Variants in EPHX1 observed in about 807,000 individuals in gnomAD.
EPHX1 encodes the protein epoxide hydratase.
EPHX1 carries 40 observed loss-of-function variants against 43.2 expected under a neutral mutation model. That is an observed-to-expected ratio of 0.93 (90% CI 0.72 to 1.21). The LOEUF (loss-of-function observed/expected upper bound fraction) is 1.21. Ranked by LOEUF, EPHX1 falls within the 50% of genes most tolerant of loss-of-function variation. The pLI is 0.00. For missense variants in EPHX1, 550 were observed against 570.4 expected (o/e 0.96, Z 0.36); for synonymous variants, 221 against 226.7 (o/e 0.98, Z 0.22).
intron 5 of EPHX1, 102 bp from the exon 6 acceptor site, chr1:225,839,727 T>C: frequency 7.9e-7 from 1 of 1,267,212 alleles, no homozygotes; most frequent in Non-Finnish European, 1.2e-6. Context: ...GCTGGCTCTG[T>C]GCTCGCTCCT....
At chr1:225,828,374 G>GT (rs1667373579) in intron 1 of EPHX1, among the ~76,000 whole-genome samples, 1 of 151,254 alleles carries the variant, frequency 6.6e-6, no homozygotes, top group Admixed American at 6.6e-5. Context: ...CCTCAGAAAT[G>GT]TAGCTCCCAA....
Position 225,817,630 on chromosome 1 carries a change from C to G in EPHX1, c.-6+7461C>G. ...TAGTTTTTCCCTTACCCTCTCTGCC[C>G]CCACACTTTCCTCCCCAAAGTGGCA... On this transcript the variant is annotated intron_variant, in intron 1 of 8. Coordinates refer to ENST00000272167, the MANE Select transcript of EPHX1 (RefSeq NM_001136018.4). The surrounding 1 kb of genome is among the most constrained non-coding windows in gnomAD (Gnocchi z 5.7). 6.6e-6 allele frequency among the ~76,000 whole-genome samples: 1 copy of G among 152,168 alleles called. No homozygotes were observed. Among genetic ancestry groups the G allele is most frequent in the East Asian group, 1.9e-4 (1 of 5,192 alleles).
In EPHX1 at chr1:225,828,689, G is replaced by A. The variant is rs774839994; in HGVS notation, c.-5-36G>A. 1.6e-5 allele frequency: 26 copies of A among 1,603,706 alleles called. 1 individual carries two copies. The East Asian group carries it at 2.9e-4, about 18-fold the overall frequency. ...CTGGGCTGTCAGGGCCGGGCTGGGC[G>A]GGCTCCGTTGTTAATGGCTTCCCCT... On this transcript the variant is annotated intron_variant, in intron 1 of 8. Coordinates refer to ENST00000272167, the MANE Select transcript of EPHX1 (RefSeq NM_001136018.4).
intron 2 of EPHX1, among the ~76,000 whole-genome samples, chr1:225,831,078 A>G (rs1576007451): frequency 6.6e-6 from 1 of 151,810 alleles, no homozygotes; most frequent in South Asian, 2.1e-4. Context: ...GAACACAGCC[A>G]CCCCCATTCA....
At chr1:225,826,447 CAAAAAA>C (rs374232833) in intron 1 of EPHX1, among the ~76,000 whole-genome samples, 10,569 of 84,330 alleles carry the variant, frequency 0.13, 603 homozygotes, top group Middle Eastern at 0.34. Flanking sequence ...GACTCTGTCT[CAAAAAA>C]AAAAAAAAAA....
Position 225,845,340 on chromosome 1 carries a change from G to T in EPHX1, c.1361G>T (p.Arg454Leu), listed in dbSNP as rs2234701. Reference sequence around the variant, plus strand: ...CGCAAGTTCCTGTCGGTGCTGGAGCGGCAATGACCCACCCCTCTCCCCCCG... The same window carrying T: ...CGCAAGTTCCTGTCGGTGCTGGAGCTGCAATGACCCACCCCTCTCCCCCCG... ...DIRKFLSVLE[R>L]Q The change falls in exon 9 of 9, where the codon CGG becomes CTG. Residue 454 changes from arginine to leucine, a missense_variant. Coordinates refer to ENST00000272167, the MANE Select transcript of EPHX1 (RefSeq NM_001136018.4). 6.2e-7 allele frequency: 1 copy of T among 1,609,100 alleles called. No individual in the cohort carries two copies. Among genetic ancestry groups the T allele is most frequent in the Admixed American group, 1.7e-5 (1 of 59,818 alleles).
At chr1:225,822,390 A>G (rs1251593364) in intron 1 of EPHX1, among the ~76,000 whole-genome samples, 1 of 152,222 alleles carries the variant, frequency 6.6e-6, no homozygotes, top group Non-Finnish European at 1.5e-5. Flanking sequence ...CTCTCAGCCC[A>G]GTAACTTGTC....
chr1:225,832,460 A>T (rs1223257724), intron 3 of EPHX1, among the ~76,000 whole-genome samples: 1 of 152,222 alleles, frequency 6.6e-6, no homozygotes, highest in Non-Finnish European at 1.5e-5. Flanking sequence ...GCTTGAAGCC[A>T]GGAGGCGGAG....
Position 225,839,293 on chromosome 1 carries a change from A to C in EPHX1, c.669A>C (p.Gln223His). The part of the protein sequence containing the change: ...LRLGFQEFYI[Q>H]GGDWGSLICT... ...TGGGCTTCCAGGAATTCTACATTCAAGGAGGGGACTGGGGGTCCCTGATCT... is the reference window on the plus strand; with the variant it reads ...TGGGCTTCCAGGAATTCTACATTCACGGAGGGGACTGGGGGTCCCTGATCT... The change falls in exon 5 of 9, where the codon CAA becomes CAC. Residue 223 changes from glutamine (Q) to histidine (H), a missense_variant. By Grantham distance (24) the Gln-to-His change is conservative (BLOSUM62 0). Coordinates refer to ENST00000272167, the MANE Select transcript of EPHX1 (RefSeq NM_001136018.4). 1 of 1,614,018 alleles carries C rather than the reference A, an allele frequency of 6.2e-7. No homozygotes were observed. Among genetic ancestry groups the C allele is most frequent in the Non-Finnish European group, 8.5e-7 (1 of 1,179,994 alleles).
chr1:225,840,309 C>T (rs1006161523), intron 6 of EPHX1, among the ~76,000 whole-genome samples: 3 of 152,154 alleles, frequency 2.0e-5, no homozygotes, highest in African/African-American at 7.2e-5. Context: ...GAGTCTATAT[C>T]CTACACTGAG....
chr1:225,844,433 G>A, intron 7 of EPHX1, 65 bp from the exon 8 acceptor site: 3 of 1,613,410 alleles, frequency 1.9e-6, no homozygotes, highest in Non-Finnish European at 2.5e-6. Flanking sequence ...AGGACTTTCT[G>A]GCTGCCCTTT....
intron 1 of EPHX1, 32 bp from the exon 2 acceptor site, chr1:225,828,688 CGGGCT>C (rs765873083): frequency 1.9e-6 from 3 of 1,608,268 alleles, no homozygotes; most frequent in Non-Finnish European, 1.7e-6. Flanking sequence ...CCGGGCTGGG[CGGGCT>C]CCGTTGTTAA....
chr1:225,814,039 G>T (rs1231889517), intron 1 of EPHX1, among the ~76,000 whole-genome samples: 1 of 152,206 alleles, frequency 6.6e-6, no homozygotes, highest in Non-Finnish European at 1.5e-5. Flanking sequence ...GAATTTGAAT[G>T]TCTTTTTGGT....
At position 225,845,436 on chromosome 1, in the gene EPHX1, T is replaced by A; in HGVS notation, c.*89T>A. ...AGATACCCCTTTTCTGAGGAATGAG[T>A]TTGCCTCCGTCCCCTGCCCATGCTG... is the stretch of plus-strand genomic sequence containing the variant. On this transcript the variant is annotated 3_prime_UTR_variant, in exon 9 of 9. Coordinates refer to ENST00000272167, the MANE Select transcript of EPHX1 (RefSeq NM_001136018.4). The A allele has an allele frequency of 1.4e-6, 2 of 1,389,966 alleles. No homozygotes were observed. Among genetic ancestry groups the A allele is most frequent in the Non-Finnish European group, 1.9e-6 (2 of 1,025,882 alleles). The allele number at this position is 1,389,966 out of a possible 1,614,324, so 86.1% of individuals were successfully genotyped here.
In EPHX1 at chr1:225,831,979, G is replaced by A; in HGVS notation, c.364+20G>A. The A allele has an allele frequency of 6.2e-7, 1 of 1,612,104 alleles. No homozygotes were observed. Among genetic ancestry groups the A allele is most frequent in the Non-Finnish European group, 8.5e-7 (1 of 1,178,544 alleles). ...TTGAAGGTATGTTTGCAAAACGCCA[G>A]CCAGAGAGGGATGTATGTCATGAGA... On this transcript the variant is annotated intron_variant, in intron 3 of 8. Coordinates refer to ENST00000272167, the MANE Select transcript of EPHX1 (RefSeq NM_001136018.4).
At chr1:225,842,276 C>A in intron 6 of EPHX1, 90 bp from the exon 7 acceptor site, 1 of 996,596 alleles carries the variant, frequency 1.0e-6, no homozygotes, top group Non-Finnish European at 1.6e-6. Context: ...CAGCCCCGCC[C>A]TCTGCGGCCA....
intron 3 of EPHX1, among the ~76,000 whole-genome samples, chr1:225,836,766 G>A (rs1033217329): frequency 2.0e-5 from 3 of 152,208 alleles, no homozygotes; most frequent in African/African-American, 7.2e-5. Context: ...GAGGAGAAGG[G>A]TGGTTGTCAG....
At chr1:225,835,765 C>T (rs1189923610) in intron 3 of EPHX1, among the ~76,000 whole-genome samples, 1 of 149,938 alleles carries the variant, frequency 6.7e-6, no homozygotes, top group Non-Finnish European at 1.5e-5. Context: ...CCAGGCTGAT[C>T]GCAAACTCCT....
At chr1:225,821,493 G>A (rs577224965) in intron 1 of EPHX1, among the ~76,000 whole-genome samples, 11 of 150,672 alleles carry the variant, frequency 7.3e-5, no homozygotes, top group African/African-American at 2.7e-4. Flanking sequence ...TGATCTGCTC[G>A]CCTTGGCCTC....
Sources: allele counts gnomAD v4.1 joint callset (sites outside exome capture counted in the v4.1 genomes callset), GRCh38; gene constraint gnomAD v4.1.1; non-coding constraint Gnocchi (gnomAD v3.1); transcripts MANE v1.5; gene names NCBI Gene and HGNC (gene_info 2026-07-23, HGNC 2026-07-21).